The following PRSS41 variants were observed in gnomAD, a reference collection of about 807,000 sequenced individuals.
The protein encoded by PRSS41 is serine protease 41, also known as protease, serine 41.
PRSS41 carries 37 observed loss-of-function variants against 28.8 expected under a neutral mutation model. That is an observed-to-expected ratio of 1.29 (90% CI 0.99 to 1.69). PRSS41 has a LOEUF of 1.69. Among genes scored for constraint, PRSS41 ranks in the 40% most tolerant of loss-of-function variants. The probability of loss-of-function intolerance (pLI) is 0.00; values close to 1 mark genes in which losing one functional copy is unlikely to be tolerated. For missense variants in PRSS41, 431 were observed against 400.7 expected, an observed-to-expected ratio of 1.08 and a Z score of -0.65; for synonymous variants, 195 against 163.1, an observed-to-expected ratio of 1.20 and a Z score of -1.49.
intron 4 of PRSS41, among the ~76,000 whole-genome samples, chr16:2,802,559 G>A (rs1411435309): frequency 5.3e-5 from 8 of 152,176 alleles, no homozygotes; most frequent in South Asian, 2.1e-4. Flanking sequence ...GTAGCGAGCC[G>A]AGATCACGCC....
At chr16:2,804,805 A>T in intron 5 of PRSS41, 109 bp from the exon 6 acceptor site, 1 of 903,148 alleles carries the variant, frequency 1.1e-6, no homozygotes, top group Non-Finnish European at 1.7e-6. Flanking sequence ...CATGGGAAGG[A>T]GTAAGGTTTG....
At chr16:2,802,222 G>A (rs1484866380) in intron 4 of PRSS41, among the ~76,000 whole-genome samples, 189 of 151,764 alleles carry the variant, frequency 1.2e-3, no homozygotes, top group Non-Finnish European at 1.6e-3. Context: ...GCCGGGCAGA[G>A]GCGCTCCTCA....
chr16:2,802,753 C>T (rs1000198089), intron 4 of PRSS41, among the ~76,000 whole-genome samples: 1 of 152,208 alleles, frequency 6.6e-6, no homozygotes, highest in South Asian at 2.1e-4. Context: ...TGCCTGCAAT[C>T]GCAGGCACTC....
intron 2 of PRSS41, 40 bp from the exon 3 acceptor site, chr16:2,798,919 C>CCCCCCCGCCCCG: frequency 6.7e-7 from 1 of 1,499,238 alleles, no homozygotes; most frequent in Non-Finnish European, 8.9e-7. Flanking sequence ...CCCACCCCAC[C>CCCCCCCGCCCCG]CCACCCGGCA....
At chr16:2,799,188 G>A in intron 3 of PRSS41, 64 bp downstream of exon 3, 1 of 1,508,122 alleles carries the variant, frequency 6.6e-7, no homozygotes, top group South Asian at 1.3e-5. Context: ...GCAAACAGTA[G>A]CCACCCAGCA....
chr16:2,799,471 C>T (rs1337879585), exon 4 of PRSS41: 8 of 1,552,102 alleles, frequency 5.2e-6, no homozygotes, highest in Admixed American at 3.9e-5. Context: ...ACCTACAATG[C>T]GTACATCCAG....
At chr16:2,804,509 G>C in exon 5 of PRSS41, 1 of 1,551,294 alleles carries the variant, frequency 6.4e-7, no homozygotes, top group Non-Finnish European at 8.7e-7. Context: ...TCCATGTTTT[G>C]TGCTGGTGCT....
At chr16:2,800,255 A>G (rs538235268) in intron 4 of PRSS41, among the ~76,000 whole-genome samples, 1 of 152,310 alleles carries the variant, frequency 6.6e-6, no homozygotes, top group Admixed American at 6.5e-5. Context: ...GGCATAAAAG[A>G]TAAAAACCAG....
intron 4 of PRSS41, among the ~76,000 whole-genome samples, chr16:2,800,049 C>T (rs1436301191): frequency 6.6e-6 from 1 of 152,228 alleles, no homozygotes; most frequent in Non-Finnish European, 1.5e-5. Context: ...ATTGTGTCAA[C>T]ATCATGGAGT....
At chr16:2,799,820 C>G (rs1182782386) in intron 4 of PRSS41, among the ~76,000 whole-genome samples, 3 of 152,222 alleles carry the variant, frequency 2.0e-5, no homozygotes, top group Non-Finnish European at 4.4e-5. Context: ...GAGAGGGAGG[C>G]CAGCTTGGCC....
intron 4 of PRSS41, among the ~76,000 whole-genome samples, chr16:2,802,764 G>A (rs201453196): frequency 2.6e-5 from 4 of 152,138 alleles, no homozygotes; most frequent in East Asian, 1.9e-4. Flanking sequence ...GCAGGCACTC[G>A]GCAGGCTGAG....
exon 6 of PRSS41, chr16:2,805,178 G>T: frequency 6.9e-7 from 1 of 1,449,988 alleles, no homozygotes; most frequent in Non-Finnish European, 9.4e-7. Flanking sequence ...AGGCTGCAGT[G>T]GGGACCACAG....
chr16:2,803,435 AT>A (rs1231042686), intron 4 of PRSS41, among the ~76,000 whole-genome samples: 1 of 152,298 alleles, frequency 6.6e-6, no homozygotes, highest in Admixed American at 6.5e-5. Context: ...ATTAAAAAAA[AT>A]CTCTGTTCCT....
At chr16:2,798,880 C>T in intron 2 of PRSS41, 79 bp from the exon 3 acceptor site, 1 of 1,425,774 alleles carries the variant, frequency 7.0e-7, no homozygotes, top group Non-Finnish European at 9.1e-7. Flanking sequence ...TGCGCGCACC[C>T]CGGGGCAAAG....
At chr16:2,804,113 C>A (rs184491092) in intron 4 of PRSS41, among the ~76,000 whole-genome samples, 1 of 152,148 alleles carries the variant, frequency 6.6e-6, no homozygotes, top group Non-Finnish European at 1.5e-5. Context: ...GAAATTTCTC[C>A]GCGGACTCAG....
At chr16:2,801,229 T>A (rs114819327) in intron 4 of PRSS41, among the ~76,000 whole-genome samples, 7 of 152,358 alleles carry the variant, frequency 4.6e-5, no homozygotes, top group African/African-American at 1.7e-4. Context: ...CAATTTTGCT[T>A]TATATGTTTT....
chr16:2,798,480 A>C (rs1015501473), upstream of PRSS41: 1 of 1,482,736 alleles, frequency 6.7e-7, no homozygotes. Flanking sequence ...GCGGGAGAGG[A>C]GGCCATGGGC....
exon 6 of PRSS41, chr16:2,805,117 G>A (rs2069013463): frequency 6.4e-7 from 1 of 1,550,946 alleles, no homozygotes; most frequent in Non-Finnish European, 8.7e-7. Context: ...TCCTTGCCCT[G>A]CTGTGGGCTC....
chr16:2,799,282 C>G lies in PRSS41; in HGVS notation c.258-4C>G. On this transcript the variant is annotated splice_region_variant and splice_polypyrimidine_tract_variant and intron_variant, in intron 3 of 5. Transcript: ENST00000399677. ...GCTCCCCGCCCTCTCTCCTTTTCTG[C>G]TAGGCACTACTATCCCTCCGAGTGG... 6.4e-7 allele frequency: 1 copy of G among 1,551,240 alleles called. No individual in the cohort carries two copies. Among genetic ancestry groups the G allele is most frequent in the Non-Finnish European group, 8.7e-7 (1 of 1,146,898 alleles).
Sources: allele counts gnomAD v4.1 joint callset (sites outside exome capture counted in the v4.1 genomes callset), GRCh38; gene constraint gnomAD v4.1.1; transcripts MANE v1.5; gene names NCBI Gene and HGNC (gene_info 2026-07-23, HGNC 2026-07-21).